TCF7L2: variants seen among roughly 807,000 people sequenced by gnomAD.
The protein encoded by TCF7L2 is transcription factor 7-like 2.
Under a neutral mutation model 77.9 loss-of-function variants are expected in TCF7L2, and 23 were observed. The observed-to-expected ratio is 0.30, with a 90% CI of 0.21 to 0.42. The LOEUF (loss-of-function observed/expected upper bound fraction) is 0.42. Ranked by LOEUF, TCF7L2 falls within the 10% of genes least tolerant of loss-of-function variation. The pLI is 1.00. For missense variants in TCF7L2, 654 were observed against 793.1 expected (o/e 0.82, Z 2.11); for synonymous variants, 413 against 340.2 (o/e 1.21, Z -2.36).
chr10:112,956,710 G>A (rs1041055654), intron 3 of TCF7L2, among the ~76,000 whole-genome samples: 3 of 152,058 alleles, frequency 2.0e-5, no homozygotes, highest in African/African-American at 7.2e-5. Flanking sequence ...AAAGAAATGT[G>A]CCCCAGTCTT....
At chr10:112,979,600 T>C (rs1453066360) in intron 4 of TCF7L2, among the ~76,000 whole-genome samples, 1 of 151,834 alleles carries the variant, frequency 6.6e-6, no homozygotes, top group Admixed American at 6.6e-5. Context: ...CTACTAAAAA[T>C]ACAAAAAATT....
chr10:112,992,452 C>T (rs766912409), intron 4 of TCF7L2, among the ~76,000 whole-genome samples: 8 of 152,138 alleles, frequency 5.3e-5, no homozygotes, highest in Admixed American at 2.0e-4. Flanking sequence ...TTCCTGGGTT[C>T]GAGTTCCAGC....
chr10:112,979,071 C>G (rs751041257), intron 4 of TCF7L2, among the ~76,000 whole-genome samples: 43 of 152,054 alleles, frequency 2.8e-4, no homozygotes, highest in Non-Finnish European at 5.4e-4. Flanking sequence ...TGCTAAAGCC[C>G]CCTAGTGAGT....
intron 4 of TCF7L2, among the ~76,000 whole-genome samples, chr10:113,013,075 G>A (rs2046728464): frequency 6.6e-6 from 1 of 150,628 alleles, no homozygotes; most frequent in East Asian, 1.9e-4. Context: ...AGCAGCTCAC[G>A]CTTAAGACCT....
chr10:113,132,336 T>G (rs2066731856), intron 5 of TCF7L2, among the ~76,000 whole-genome samples: 1 of 152,228 alleles, frequency 6.6e-6, no homozygotes. Flanking sequence ...GCACAGGGTA[T>G]ACAAGAAAAA....
rs905951476 is a variant in TCF7L2, at chr10:113,063,788, A to C, written c.552+23662A>C. The stretch of plus-strand genomic sequence containing the variant: ...AGCAATGAAAGAGTTCTTTAGGAAA[A>C]GGGGAAGGTCCCGAGAGATCTGGTA... On this transcript the variant is annotated intron_variant, in intron 5 of 13. Transcript: ENST00000627217. Among the ~76,000 whole-genome samples, 4 of 152,134 alleles carry C rather than the reference A, an allele frequency of 2.6e-5. No individual in the cohort carries two copies. In the East Asian group the frequency reaches 7.7e-4, roughly 29 times the overall value.
intron 11 of TCF7L2, among the ~76,000 whole-genome samples, chr10:113,153,418 T>G (rs1361006315): frequency 6.6e-6 from 1 of 152,248 alleles, no homozygotes; most frequent in Non-Finnish European, 1.5e-5. Flanking sequence ...CACAGGCCTC[T>G]CATCCCCTTC....
Position 113,166,708 on chromosome 10 carries a change from T to C in TCF7L2, c.*736T>C, listed in dbSNP as rs745746380. 3 of 229,932 alleles carry C rather than the reference T, an allele frequency of 1.3e-5. No homozygotes were observed. Among genetic ancestry groups the C allele is most frequent in the African/African-American group, 2.2e-5 (1 of 45,156 alleles). The allele number at this position is 229,932 out of a possible 1,614,324, so 14.2% of individuals were successfully genotyped here. On this transcript the variant is annotated 3_prime_UTR_variant, in exon 14 of 14. Transcript: ENST00000627217. ...TATGTTTTCCTTTTTCTTGAAACTGTATAAAGTTTTTTTCCCCCTTAGCAT... is the reference window on the plus strand; with the variant it reads ...TATGTTTTCCTTTTTCTTGAAACTGCATAAAGTTTTTTTCCCCCTTAGCAT...
intron 5 of TCF7L2, among the ~76,000 whole-genome samples, chr10:113,073,670 C>G (rs149712703): frequency 6.6e-6 from 1 of 150,732 alleles, no homozygotes; most frequent in Non-Finnish European, 1.5e-5. Context: ...CCAGCCTGGG[C>G]GACTGTGAGA....
intron 8 of TCF7L2, among the ~76,000 whole-genome samples, chr10:113,149,272 A>T (rs1221421896): frequency 1.3e-5 from 2 of 152,232 alleles, no homozygotes; most frequent in Non-Finnish European, 2.9e-5. Flanking sequence ...GGGGATGAAG[A>T]TGAAGGTTGT....
At chr10:113,023,761 C>T (rs888643224) in intron 4 of TCF7L2, among the ~76,000 whole-genome samples, 9 of 152,024 alleles carry the variant, frequency 5.9e-5, no homozygotes, top group South Asian at 4.1e-4. Flanking sequence ...CTCCACCTCC[C>T]GGGTTCATGC....
At chr10:113,028,322 G>T (rs2049575932) in intron 4 of TCF7L2, among the ~76,000 whole-genome samples, 1 of 152,164 alleles carries the variant, frequency 6.6e-6, no homozygotes, top group Admixed American at 6.5e-5. Context: ...ATGCAGGGGG[G>T]TCGTGGGGCC....
intron 8 of TCF7L2, among the ~76,000 whole-genome samples, chr10:113,148,997 C>T (rs1206660238): frequency 1.3e-5 from 2 of 152,158 alleles, no homozygotes; most frequent in African/African-American, 4.8e-5. Context: ...TTTTCTCTCT[C>T]CCCCTCCCTC....
At chr10:113,068,030 C>G (rs1477626480) in intron 5 of TCF7L2, among the ~76,000 whole-genome samples, 1 of 152,154 alleles carries the variant, frequency 6.6e-6, no homozygotes, top group African/African-American at 2.4e-5. Context: ...TTCCGTGACA[C>G]TTAATATAAC....
At chr10:113,083,453 T>A (rs2059522700) in intron 5 of TCF7L2, among the ~76,000 whole-genome samples, 1 of 152,154 alleles carries the variant, frequency 6.6e-6, no homozygotes, top group African/African-American at 2.4e-5. Context: ...GTCTTTACGA[T>A]AAAAATGGTA....
chr10:113,108,502 C>G (rs1168700706), intron 5 of TCF7L2, among the ~76,000 whole-genome samples: 2 of 152,112 alleles, frequency 1.3e-5, no homozygotes, highest in Non-Finnish European at 2.9e-5. Context: ...ATTGTTTTCT[C>G]AGTATTAAGA....
chr10:113,007,701 C>G lies in TCF7L2; in HGVS notation c.451-32324C>G, dbSNP rs532093440. Among the ~76,000 whole-genome samples, 107 of 152,278 alleles carry G rather than the reference C, an allele frequency of 7.0e-4. 1 individual carries two copies. Among genetic ancestry groups the G allele is most frequent in the African/African-American group, 2.5e-3 (103 of 41,566 alleles). ...CAGGCTGTAGTCAGAGCTGCTTTTC[C>G]CTTTCCCCATTTTCCTTGGAAGTGT... is the stretch of plus-strand genomic sequence containing the variant. On this transcript the variant is annotated intron_variant, in intron 4 of 13. Transcript: ENST00000627217.
rs956836363 is a variant in TCF7L2 at position 112,950,271 on chromosome 10, A to G, written c.-486A>G. 4.7e-6 allele frequency: 1 copy of G among 213,440 alleles called. No individual in the cohort carries two copies. Among genetic ancestry groups the G allele is most frequent in the African/African-American group, 2.4e-5 (1 of 42,308 alleles). The allele number at this position is 213,440 out of a possible 1,614,324, so 13.2% of individuals were successfully genotyped here. On this transcript the variant is annotated 5_prime_UTR_variant, in exon 1 of 14. Transcript: ENST00000627217. ...TGTCAATAATCTCCGCTCCCAGACT[A>G]CTCCGTTCCTCCGGATTTCGATCCC... is the stretch of plus-strand genomic sequence containing the variant.
At chr10:113,133,177 G>C (rs1223070031) in intron 5 of TCF7L2, 4 of 152,220 alleles carry the variant, frequency 2.6e-5, no homozygotes, top group East Asian at 3.8e-4. Context: ...CAGCTTTACT[G>C]GGTCGGCCCT....
Sources: allele counts gnomAD v4.1 joint callset (sites outside exome capture counted in the v4.1 genomes callset), GRCh38; gene constraint gnomAD v4.1.1; transcripts MANE v1.5; gene names NCBI Gene and HGNC (gene_info 2026-07-23, HGNC 2026-07-21).